Variants in HEATR5B observed in about 807,000 individuals in gnomAD.
The protein encoded by HEATR5B is HEAT repeat-containing protein 5B.
Under a neutral mutation model 224.1 loss-of-function variants are expected in HEATR5B, and 156 were observed. The ratio of observed to expected loss-of-function variants is 0.70; its 90% CI spans 0.61 to 0.80. The LOEUF is 0.80. Among genes scored for constraint, HEATR5B ranks in the 30% least tolerant of loss-of-function variants. HEATR5B has a pLI of 0.00. For synonymous variants in HEATR5B, 1,027 were observed against 893.0 expected (o/e 1.15, Z -2.68); for missense variants, 2,323 against 2,535.5 (o/e 0.92, Z 1.80).
chr2:37,033,401 T>C (rs1669263921), intron 21 of HEATR5B, among the ~76,000 whole-genome samples: 1 of 152,198 alleles, frequency 6.6e-6, no homozygotes, highest in Non-Finnish European at 1.5e-5. Context: ...GCACATCTTA[T>C]TTTACACATG....
At chr2:37,013,285 T>C (rs1667906669) in intron 27 of HEATR5B, among the ~76,000 whole-genome samples, 1 of 152,200 alleles carries the variant, frequency 6.6e-6, no homozygotes, top group Non-Finnish European at 1.5e-5. Context: ...ATGATAAGAA[T>C]TCAATAGTAA....
chr2:37,046,401 G>C (rs1469308382), intron 18 of HEATR5B, among the ~76,000 whole-genome samples: 1 of 152,148 alleles, frequency 6.6e-6, no homozygotes, highest in Non-Finnish European at 1.5e-5. Flanking sequence ...CATTTTGGGA[G>C]GCCAAGGTGG....
chr2:37,005,332 G>A (rs72873851), intron 30 of HEATR5B, among the ~76,000 whole-genome samples: 5,010 of 151,968 alleles, frequency 0.033, 138 homozygotes, highest in African/African-American at 0.072. Context: ...TCACAACATC[G>A]GGCTCCTCCT....
intron 12 of HEATR5B, among the ~76,000 whole-genome samples, chr2:37,059,696 G>A (rs1671159259): frequency 1.3e-5 from 2 of 151,728 alleles, no homozygotes; most frequent in South Asian, 4.2e-4. Context: ...ACTCCTGAGA[G>A]TGATCCACCC....
chr2:37,077,903 C>T (rs1672330530), intron 3 of HEATR5B, among the ~76,000 whole-genome samples: 2 of 152,274 alleles, frequency 1.3e-5, no homozygotes, highest in Admixed American at 6.5e-5. Flanking sequence ...ATTACATTAA[C>T]AGAACACTTG....
At chr2:37,015,205 G>C (rs1459496190) in intron 26 of HEATR5B, among the ~76,000 whole-genome samples, 2 of 152,122 alleles carry the variant, frequency 1.3e-5, no homozygotes, top group African/African-American at 4.8e-5. Context: ...GATGTGATTA[G>C]GAAAGTTAAT....
intron 18 of HEATR5B, among the ~76,000 whole-genome samples, chr2:37,046,372 C>G (rs1670191547): frequency 6.6e-6 from 1 of 152,170 alleles, no homozygotes; most frequent in East Asian, 1.9e-4. Context: ...GGCGCACTGG[C>G]TCATGTCTGT....
intron 6 of HEATR5B, among the ~76,000 whole-genome samples, chr2:37,071,694 T>A (rs1051835909): frequency 2.6e-5 from 4 of 151,376 alleles, no homozygotes; most frequent in South Asian, 4.2e-4. Context: ...TTTTTTTTTT[T>A]AATTTTTTGA....
chr2:37,007,780 A>G (rs1331054425), intron 28 of HEATR5B, among the ~76,000 whole-genome samples: 5 of 152,252 alleles, frequency 3.3e-5, no homozygotes, highest in Admixed American at 3.3e-4. Context: ...ATGAACTGGA[A>G]TACCTGTCTC....
At chr2:37,013,395 A>G (rs1667913851) in intron 27 of HEATR5B, among the ~76,000 whole-genome samples, 1 of 152,264 alleles carries the variant, frequency 6.6e-6, no homozygotes, top group African/African-American at 2.4e-5. Context: ...CTATTAAAAA[A>G]CAAAACAAGC....
rs148396564 is a variant in HEATR5B, at chr2:36,999,938, G to A, written c.5545+648C>T. The stretch of plus-strand genomic sequence containing the variant: ...GAGGCAGAAGAATCACTTGAACCCG[G>A]GAGGCGGAGGTTGCAGTGGGCTGAG... On this transcript the variant is annotated intron_variant, in intron 33 of 35. Transcript: ENST00000233099. 9.7e-3 allele frequency among the ~76,000 whole-genome samples: 1,471 copies of A among 151,716 alleles called. 20 individuals carry two copies. Among genetic ancestry groups the A allele is most frequent in the East Asian group, 0.054 (276 of 5,080 alleles).
chr2:37,040,235 C>T, intron 20 of HEATR5B, 94 bp downstream of exon 20: 1 of 1,034,912 alleles, frequency 9.7e-7, no homozygotes, highest in Non-Finnish European at 1.5e-6. Flanking sequence ...ATTGTTATTA[C>T]AAAATTTCTT....
At chr2:37,032,608 T>C (rs761653780) in intron 22 of HEATR5B, 21 bp downstream of exon 22, 149 of 1,593,006 alleles carry the variant, frequency 9.4e-5, no homozygotes, top group Non-Finnish European at 1.2e-4. Flanking sequence ...AAAAACAATA[T>C]TGACCAATAA....
At chr2:37,020,066 G>C (rs1001150971) in intron 25 of HEATR5B, among the ~76,000 whole-genome samples, 189 bp from the exon 26 acceptor site, 10 of 151,994 alleles carry the variant, frequency 6.6e-5, no homozygotes, top group African/African-American at 2.4e-4. Flanking sequence ...ACTACTGCCA[G>C]GCTAATTTTT....
chr2:37,059,827 A>T (rs1671168624), intron 12 of HEATR5B, among the ~76,000 whole-genome samples: 1 of 152,158 alleles, frequency 6.6e-6, no homozygotes, highest in African/African-American at 2.4e-5. Context: ...TATAAACAAA[A>T]ATGGTCCAGT....
At position 37,068,800 on chromosome 2, in the gene HEATR5B, G is replaced by C; in HGVS notation, c.1058C>G (p.Ser353Cys). The C allele has an allele frequency of 1.2e-6, 2 of 1,614,128 alleles. No individual in the cohort carries two copies. The highest frequency in any genetic ancestry group is 2.2e-5 in the East Asian group (1 of 44,868). The change falls in exon 8 of 36, where the codon TCC becomes TGC. Residue 353 changes from serine to cysteine, a missense_variant. Transcript: ENST00000233099. ...ATQTHVEAVYSRRCVSFILRA... is the reference protein window; with the variant it reads ...ATQTHVEAVYCRRCVSFILRA... ...TAGGATAAAGGAAACACATCGTCTG[G>C]AGTACACAGCCTCCACATGTGTTTG...
At chr2:37,049,608 A>T in intron 18 of HEATR5B, 45 bp downstream of exon 18, 1 of 1,481,490 alleles carries the variant, frequency 6.7e-7, no homozygotes, top group Non-Finnish European at 9.4e-7. Context: ...TTTAAAAGAC[A>T]TCTTTGCCTA....
chr2:36,988,469 C>T (rs111369992), intron 35 of HEATR5B, among the ~76,000 whole-genome samples, 177 bp downstream of exon 35: 1 of 152,046 alleles, frequency 6.6e-6, no homozygotes, highest in Admixed American at 6.6e-5. Flanking sequence ...ACTATGTTGG[C>T]CAGGATGGTC....
At chr2:37,000,992 A>C (rs989402542) in intron 32 of HEATR5B, among the ~76,000 whole-genome samples, 179 bp from the exon 33 acceptor site, 5 of 152,210 alleles carry the variant, frequency 3.3e-5, no homozygotes, top group African/African-American at 1.2e-4. Flanking sequence ...AAAATAAGAA[A>C]GTGTCATATT....
Sources: gnomAD v4.1 joint callset for allele counts (sites outside exome capture counted in the v4.1 genomes callset) on GRCh38, gnomAD v4.1.1 for gene constraint, MANE v1.5 for transcripts, NCBI Gene and HGNC (gene_info 2026-07-23, HGNC 2026-07-21) for gene names.